The following PRKCQ variants were observed in gnomAD, a reference collection of about 807,000 sequenced individuals.
The protein encoded by PRKCQ is protein kinase C theta.
PRKCQ carries 41 observed loss-of-function variants against 91.2 expected under a neutral mutation model. The ratio of observed to expected loss-of-function variants is 0.45; its 90% CI spans 0.35 to 0.58. The LOEUF (loss-of-function observed/expected upper bound fraction) is 0.58, where lower values mean the gene tolerates loss of function less well. PRKCQ is among the 20% of genes least tolerant of loss of function. PRKCQ has a pLI of 0.00. For synonymous variants in PRKCQ, 307 were observed against 316.9 expected, an observed-to-expected ratio of 0.97 and a Z score of 0.33; for missense variants, 673 against 896.5, an observed-to-expected ratio of 0.75 and a Z score of 3.18.
chr10:6,492,449 CT>C lies in PRKCQ; in HGVS notation c.661-638del, dbSNP rs1452818146. Among the ~76,000 whole-genome samples, 10 of 152,254 alleles carry C rather than the reference CT, an allele frequency of 6.6e-5. No individual in the cohort carries two copies. The South Asian group carries it at 1.9e-3, about 28-fold the overall frequency. On this transcript the variant is annotated intron_variant, in intron 7 of 17. Coordinates refer to ENST00000263125, the MANE Select transcript of PRKCQ (RefSeq NM_006257.5). ...ATCTCACGTAATCCTCAGAATACCC[CT>C]TTTGAAGTCGCTTCTATTAGTATCC...
chr10:6,444,233 GATA>G (rs1443382532), intron 15 of PRKCQ, among the ~76,000 whole-genome samples: 2 of 152,108 alleles, frequency 1.3e-5, no homozygotes, highest in African/African-American at 4.8e-5. Context: ...ACCATGCCCA[GATA>G]ATTTTTGTAT....
intron 1 of PRKCQ, among the ~76,000 whole-genome samples, chr10:6,532,727 A>G (rs2130902553): frequency 1.3e-5 from 2 of 152,356 alleles, no homozygotes; most frequent in South Asian, 4.1e-4. Context: ...GGAGTCCATT[A>G]TAGATTAGTG....
rs533696872 is a variant in PRKCQ at position 6,499,596 on chromosome 10, A to T, written c.380-1038T>A. 3.3e-5 allele frequency among the ~76,000 whole-genome samples: 5 copies of T among 152,356 alleles called. No homozygotes were observed. The East Asian group carries it at 7.7e-4, about 23-fold the overall frequency. On this transcript the variant is annotated intron_variant, in intron 4 of 17. Transcript: ENST00000263125. The stretch of plus-strand genomic sequence containing the variant: ...TGTGAATAAATAAATAAGGATAATG[A>T]ATTTAAATCCCAGAGTTATAATTTT...
chr10:6,449,059 A>AGCAAC lies in PRKCQ; in HGVS notation c.1648-6983_1648-6979dup, dbSNP rs542022209. The stretch of plus-strand genomic sequence containing the variant: ...CTCCAAAGGAACGCAGTTCCTCACC[A>AGCAAC]GCAACGGAACAAAGCTGGATGGAGA... On this transcript the variant is annotated intron_variant, in intron 15 of 17. Transcript: ENST00000263125. Among the ~76,000 whole-genome samples the AGCAAC allele has an allele frequency of 2.0e-3, 308 of 152,376 alleles. 1 individual carries two copies. Among genetic ancestry groups the AGCAAC allele is most frequent in the African/African-American group, 7.0e-3 (293 of 41,592 alleles).
Position 6,428,323 on chromosome 10 carries a change from A to C in PRKCQ, c.2005T>G (p.Leu669Val), listed in dbSNP as rs1460936242. The C allele has an allele frequency of 1.9e-6, 3 of 1,614,020 alleles. No homozygotes were observed. Among genetic ancestry groups the C allele is most frequent in the Non-Finnish European group, 2.5e-6 (3 of 1,180,002 alleles). ...AATGACAGCCGGGGCTTCTCGTTTAAGAATTCTTTGTCGAAATTGCTGCAG... is the reference window on the plus strand; with the variant it reads ...AATGACAGCCGGGGCTTCTCGTTTACGAATTCTTTGTCGAAATTGCTGCAG... Reference protein sequence around the residue: ...FDCSNFDKEFLNEKPRLSFAD... With the variant: ...FDCSNFDKEFVNEKPRLSFAD... The change falls in exon 18 of 18, where the codon TTA (leucine) becomes GTA (valine). Residue 669 changes from leucine (L) to valine (V), a missense_variant. By Grantham distance (32) the Leu-to-Val change is conservative. Transcript: ENST00000263125.
At chr10:6,580,133 G>C (rs1158670401) in intron 1 of PRKCQ, 78 bp downstream of exon 1, 1 of 152,352 alleles carries the variant, frequency 6.6e-6, no homozygotes, top group African/African-American at 2.4e-5. Context: ...CGAGGGGCCC[G>C]GGTAGCCCTT....
intron 8 of PRKCQ, among the ~76,000 whole-genome samples, chr10:6,491,362 G>T (rs766220868): frequency 6.6e-6 from 1 of 152,206 alleles, no homozygotes; most frequent in Non-Finnish European, 1.5e-5. Flanking sequence ...GAAACTAGTA[G>T]TAGAAAGACC....
chr10:6,492,256 AT>A (rs1168081315), intron 7 of PRKCQ, among the ~76,000 whole-genome samples: 9 of 140,340 alleles, frequency 6.4e-5, no homozygotes, highest in South Asian at 2.3e-4. Flanking sequence ...AAAAAAAAAA[AT>A]GCCTTCTTTA....
At chr10:6,503,115 G>T (rs1838008529) in intron 4 of PRKCQ, among the ~76,000 whole-genome samples, 1 of 152,220 alleles carries the variant, frequency 6.6e-6, no homozygotes, top group Non-Finnish European at 1.5e-5. Flanking sequence ...AATGAGAGCA[G>T]AGTGCTGACA....
chr10:6,458,546 A>G (rs1480680470), intron 14 of PRKCQ, among the ~76,000 whole-genome samples: 1 of 152,112 alleles, frequency 6.6e-6, no homozygotes, highest in Non-Finnish European at 1.5e-5. Flanking sequence ...GCACCCTTTC[A>G]TTCCATCATG....
At chr10:6,551,674 G>T (rs1045529189) in intron 1 of PRKCQ, among the ~76,000 whole-genome samples, 1 of 152,214 alleles carries the variant, frequency 6.6e-6, no homozygotes, top group Non-Finnish European at 1.5e-5. Flanking sequence ...GGGATTACAG[G>T]TGTGAGCCAC....
chr10:6,413,232 G>T, the PRKCQ span, among the ~76,000 whole-genome samples: 7 of 152,274 alleles, frequency 4.6e-5, no homozygotes, highest in African/African-American at 1.7e-4. Context: ...GCTTACAGGC[G>T]TGAGCCACTC....
chr10:6,560,499 C>CA (rs1321077476), intron 1 of PRKCQ, among the ~76,000 whole-genome samples: 1 of 152,144 alleles, frequency 6.6e-6, no homozygotes, highest in Non-Finnish European at 1.5e-5. Context: ...ACCATCAGGA[C>CA]AAAATGAACC....
intron 1 of PRKCQ, among the ~76,000 whole-genome samples, chr10:6,564,490 C>T (rs1840763697): frequency 6.6e-6 from 1 of 151,982 alleles, no homozygotes; most frequent in Non-Finnish European, 1.5e-5. Context: ...GTTTTTCACC[C>T]AAAGACCAAA....
intron 12 of PRKCQ, among the ~76,000 whole-genome samples, chr10:6,472,803 C>T (rs975428062): frequency 6.6e-6 from 1 of 152,192 alleles, no homozygotes; most frequent in Non-Finnish European, 1.5e-5. Context: ...ACCTCCGCCC[C>T]ATGGGTTCAA....
intron 1 of PRKCQ, among the ~76,000 whole-genome samples, chr10:6,537,899 C>T (rs774025635): frequency 5.3e-5 from 8 of 152,232 alleles, no homozygotes; most frequent in South Asian, 2.1e-4. Flanking sequence ...CTTCCCTGCA[C>T]TTCCTCCTCC....
the PRKCQ span, among the ~76,000 whole-genome samples, chr10:6,408,302 A>G: frequency 6.6e-6 from 1 of 152,112 alleles, no homozygotes; most frequent in Non-Finnish European, 1.5e-5. Flanking sequence ...GTACTTGGAC[A>G]TAGACATTTG....
At chr10:6,502,995 C>T (rs1216526389) in intron 4 of PRKCQ, among the ~76,000 whole-genome samples, 1 of 152,056 alleles carries the variant, frequency 6.6e-6, no homozygotes, top group Non-Finnish European at 1.5e-5. Flanking sequence ...CATCTAATAC[C>T]ATCTGTTTGT....
intron 12 of PRKCQ, among the ~76,000 whole-genome samples, chr10:6,466,196 G>T (rs553119680): frequency 6.6e-6 from 1 of 152,340 alleles, no homozygotes; most frequent in African/African-American, 2.4e-5. Flanking sequence ...CAAATTCCTA[G>T]AAAGGCTGAC....
Sources: gnomAD v4.1 joint callset for allele counts (sites outside exome capture counted in the v4.1 genomes callset) on GRCh38, gnomAD v4.1.1 for gene constraint, MANE v1.5 for transcripts, NCBI Gene and HGNC (gene_info 2026-07-23, HGNC 2026-07-21) for gene names.